The following PCDHA6 variants were observed in gnomAD, a reference collection of about 807,000 sequenced individuals.
PCDHA6 encodes protocadherin alpha-6.
In PCDHA6, 55 loss-of-function variants were observed where a neutral mutation model predicts 60.3. That is an observed-to-expected ratio of 0.91 (90% CI 0.73 to 1.14). PCDHA6 has a LOEUF of 1.14. Among genes scored for constraint, PCDHA6 ranks in the 50% most tolerant of loss-of-function variants. The pLI, the probability that PCDHA6 is intolerant of heterozygous loss-of-function variation, is 0.00. For missense variants in PCDHA6, 1,327 were observed against 1,256.5 expected (o/e 1.06, Z -0.85); for synonymous variants, 652 against 557.9 (o/e 1.17, Z -2.38).
rs782354452 is a variant in PCDHA6, at chr5:140,966,783, C to G, written c.2395-12166C>G. 28 of 1,520,948 alleles carry G rather than the reference C, an allele frequency of 1.8e-5. No homozygotes were observed. The highest frequency in any genetic ancestry group is 2.1e-4 in the Middle Eastern group (1 of 4,706). The allele number at this position is 1,520,948 out of a possible 1,614,324, so 94.2% of individuals were successfully genotyped here. On this transcript the variant is annotated intron_variant, in intron 1 of 3. Transcript: ENST00000529310. ...CCAGTGGCTATGGAGCAGGCGGGCA[C>G]CAGACCTGCGGCGACAGAGCATCCA...
At chr5:140,932,323 C>T (rs1259103502) in intron 1 of PCDHA6, among the ~76,000 whole-genome samples, 1 of 151,814 alleles carries the variant, frequency 6.6e-6, no homozygotes, top group Non-Finnish European at 1.5e-5. Flanking sequence ...ATTAATGTAG[C>T]AAAAATGCAT....
Position 140,953,715 on chromosome 5 carries a change from A to T in PCDHA6, c.2395-25234A>T, listed in dbSNP as rs535385036. Among the ~76,000 whole-genome samples the T allele has an allele frequency of 2.6e-5, 4 of 152,312 alleles. No homozygotes were observed. The South Asian group carries it at 6.2e-4, about 24-fold the overall frequency. On this transcript the variant is annotated intron_variant, in intron 1 of 3. Transcript: ENST00000529310. ...TGATCTACTAGACTGAGCTTCAGAC[A>T]TTGTGTTTTGAAATTTTTGCTTAAC...
At chr5:141,000,743 T>TA (rs527867626) in intron 3 of PCDHA6, among the ~76,000 whole-genome samples, 4,963 of 145,376 alleles carry the variant, frequency 0.034, 280 homozygotes, top group African/African-American at 0.12. Flanking sequence ...CTCTGTATAT[T>TA]AAAAAAAAAA....
intron 3 of PCDHA6, among the ~76,000 whole-genome samples, chr5:140,999,070 T>A (rs930538088): frequency 6.1e-4 from 93 of 152,328 alleles, no homozygotes; most frequent in African/African-American, 2.1e-3. Context: ...GTAGTCTCCT[T>A]CACTTCCTCC....
chr5:140,885,516 T>C (rs1235698672), intron 1 of PCDHA6, among the ~76,000 whole-genome samples: 1 of 152,198 alleles, frequency 6.6e-6, no homozygotes, highest in South Asian at 2.1e-4. Context: ...TGCTGTGCTA[T>C]CATTTCATAT....
chr5:140,871,489 G>A (rs782277615), intron 1 of PCDHA6: 6 of 1,590,138 alleles, frequency 3.8e-6, no homozygotes, highest in Non-Finnish European at 5.1e-6. Flanking sequence ...AAATCACCCC[G>A]GACAGGTGAG....
Position 140,851,528 on chromosome 5 carries a change from C to T in PCDHA6, c.2394+21043C>T, listed in dbSNP as rs185754801. ...ATAAAATATGTTTTAAAATGCCTGA[C>T]AATGTAGATAATTCAAGAAATGTTG... On this transcript the variant is annotated intron_variant, in intron 1 of 3. Transcript: ENST00000529310. 15 of 903,994 alleles carry T rather than the reference C, an allele frequency of 1.7e-5. No homozygotes were observed. The East Asian group carries it at 1.6e-3, about 98-fold the overall frequency. The allele number at this position is 903,994 out of a possible 1,614,324, so 56.0% of individuals were successfully genotyped here.
At chr5:140,872,589 C>T (rs1242242642) in intron 1 of PCDHA6, among the ~76,000 whole-genome samples, 1 of 151,922 alleles carries the variant, frequency 6.6e-6, no homozygotes, top group African/African-American at 2.4e-5. Flanking sequence ...ATCGTGAGAC[C>T]CCCATCTGAA....
At chr5:140,838,041 C>T (rs1479923409) in intron 1 of PCDHA6, among the ~76,000 whole-genome samples, 1 of 149,154 alleles carries the variant, frequency 6.7e-6, no homozygotes. Flanking sequence ...TACCTTTCTG[C>T]ACTTTTTGGT....
intron 1 of PCDHA6, chr5:140,849,159 C>T (rs1554142780): frequency 2.5e-6 from 3 of 1,184,538 alleles, no homozygotes; most frequent in Non-Finnish European, 3.5e-6. Context: ...CAAACCCGAG[C>T]TGACTGGCAC....
chr5:140,934,534 G>A (rs1248269957), intron 1 of PCDHA6, among the ~76,000 whole-genome samples: 1 of 152,062 alleles, frequency 6.6e-6, no homozygotes, highest in Admixed American at 6.6e-5. Flanking sequence ...GAGAGCTACC[G>A]TTCTAATTCT....
chr5:140,848,615 A>G, intron 1 of PCDHA6: 1 of 1,593,618 alleles, frequency 6.3e-7, no homozygotes, highest in East Asian at 2.2e-5. Flanking sequence ...AGGAAGCCGA[A>G]CACGGCACCT....
chr5:140,832,037 T>C (rs1771814112), intron 1 of PCDHA6, among the ~76,000 whole-genome samples: 1 of 152,240 alleles, frequency 6.6e-6, no homozygotes, highest in Non-Finnish European at 1.5e-5. Flanking sequence ...TTGTTATTCA[T>C]AGTGAGGCCA....
At chr5:140,877,048 G>A (rs376952553) in intron 1 of PCDHA6, 2 of 1,612,558 alleles carry the variant, frequency 1.2e-6, no homozygotes, top group East Asian at 2.2e-5. Flanking sequence ...GCTAGACCAC[G>A]AGGAGCTGGA....
chr5:140,851,098 T>G lies in PCDHA6; in HGVS notation c.2394+20613T>G, dbSNP rs922217993. ...TAAACTGTATATTAAATAGATATTT[T>G]TTGGGTGCTGAATCAATTTTATTTA... On this transcript the variant is annotated intron_variant, in intron 1 of 3. Transcript: ENST00000529310. The G allele has an allele frequency of 1.5e-6, 2 of 1,293,414 alleles. 1 individual carries two copies. The highest frequency in any genetic ancestry group is 3.1e-5 in the African/African-American group (2 of 65,490). 80.1% of individuals were successfully genotyped at this position (1,293,414 alleles called of 1,614,324 possible).
At chr5:140,846,553 T>G (rs1374500814) in intron 1 of PCDHA6, among the ~76,000 whole-genome samples, 5 of 148,228 alleles carry the variant, frequency 3.4e-5, no homozygotes, top group Non-Finnish European at 7.5e-5. Context: ...TTTTTGTATT[T>G]TTAGTAGAGT....
Position 140,829,252 on chromosome 5 carries a change from C to T in PCDHA6, c.1161C>T (p.Cys387=), listed in dbSNP as rs1430937328. 1 of 1,614,148 alleles carries T rather than the reference C, an allele frequency of 6.2e-7. No individual in the cohort carries two copies. The highest frequency in any genetic ancestry group is 8.5e-7 in the Non-Finnish European group (1 of 1,180,058). ...CAGGTGCCAACGGGCAGGTGAACTG[C>T]TCGCTGACGCCTCACGTCCCTTTCA... ...LDSGANGQVN[C]SLTPHVPFKL... is the part of the protein sequence containing the mutation. The change falls in exon 1 of 4, where the codon TGC becomes TGT. Residue 387 remains cysteine, a synonymous_variant. Coordinates refer to ENST00000529310, the MANE Select transcript of PCDHA6 (RefSeq NM_018909.4).
At chr5:140,835,466 G>A (rs1289666864) in intron 1 of PCDHA6, 6 of 1,613,784 alleles carry the variant, frequency 3.7e-6, no homozygotes, top group Non-Finnish European at 5.1e-6. Context: ...CTATTCCAGA[G>A]GACGCCCAAC....
intron 1 of PCDHA6, chr5:140,967,716 T>C: frequency 1.2e-6 from 2 of 1,613,914 alleles, no homozygotes; most frequent in Non-Finnish European, 1.7e-6. Context: ...ACCGGGGAAG[T>C]GCGAGTAATT....
Sources: gnomAD v4.1 joint callset for allele counts (sites outside exome capture counted in the v4.1 genomes callset) on GRCh38, gnomAD v4.1.1 for gene constraint, MANE v1.5 for transcripts, NCBI Gene and HGNC (gene_info 2026-07-23, HGNC 2026-07-21) for gene names.